The following CDH11 variants were observed in gnomAD, a reference collection of about 807,000 sequenced individuals.
The protein encoded by CDH11 is cadherin 11, also known as cadherin-11.
Under a neutral mutation model 67.8 loss-of-function variants are expected in CDH11, and 11 were observed. That is an observed-to-expected ratio of 0.16 (90% CI 0.10 to 0.27). The LOEUF (loss-of-function observed/expected upper bound fraction) is 0.27, where lower values mean the gene tolerates loss of function less well. CDH11 is among the 10% of genes least tolerant of loss of function. The pLI is 1.00. For missense variants in CDH11, 847 were observed against 1,031.2 expected (o/e 0.82, Z 2.45); for synonymous variants, 419 against 400.0 (o/e 1.05, Z -0.57).
At chr16:64,971,054 G>C (rs1034706579) in intron 11 of CDH11, among the ~76,000 whole-genome samples, 1 of 152,174 alleles carries the variant, frequency 6.6e-6, no homozygotes, top group Non-Finnish European at 1.5e-5. Context: ...AAATTTTGCC[G>C]TTTTTATAAT....
intron 2 of CDH11, among the ~76,000 whole-genome samples, chr16:65,010,605 C>T (rs2073156307): frequency 6.6e-6 from 1 of 152,086 alleles, no homozygotes; most frequent in South Asian, 2.1e-4. Flanking sequence ...TTTCTAATAC[C>T]AAATTCAAAT....
chr16:65,092,471 T>G lies in CDH11; in HGVS notation c.-298+29409A>C, dbSNP rs141162229. Among the ~76,000 whole-genome samples the G allele has an allele frequency of 2.4e-3, 371 of 152,318 alleles. 1 individual carries two copies. The highest frequency in any genetic ancestry group is 8.6e-3 in the African/African-American group (356 of 41,566). On this transcript the variant is annotated intron_variant, in intron 1 of 12. Coordinates refer to ENST00000268603, the MANE Select transcript of CDH11 (RefSeq NM_001797.4). ...GCCAAACTGATAGAAACCTCTATTC[T>G]TGGCTGTTAGAGGCACTATCTAACC...
At chr16:65,086,663 T>C (rs35054335) in intron 1 of CDH11, among the ~76,000 whole-genome samples, 46,705 of 152,122 alleles carry the variant, frequency 0.31, 8,264 homozygotes, top group Middle Eastern at 0.41. Context: ...TGGTTACAAA[T>C]GCAGCGTCTC....
At position 65,014,540 on chromosome 16, in the gene CDH11, C is replaced by A. The variant is rs1188087715; in HGVS notation, c.-172-9499G>T. On this transcript the variant is annotated intron_variant, in intron 2 of 12. Coordinates refer to ENST00000268603, the MANE Select transcript of CDH11 (RefSeq NM_001797.4). ...CTTACTGGCCACGTGGGGCTAGTGG[C>A]CACCATCTAGGCAGCACAGGCATAG... 3.9e-5 allele frequency among the ~76,000 whole-genome samples: 6 copies of A among 152,058 alleles called. No homozygotes were observed. In the South Asian group the frequency reaches 1.2e-3, roughly 32 times the overall value.
intron 2 of CDH11, among the ~76,000 whole-genome samples, chr16:65,040,925 C>T (rs1291321841): frequency 2.0e-5 from 3 of 152,158 alleles, no homozygotes; most frequent in Non-Finnish European, 2.9e-5. Context: ...AAGTTGTGCA[C>T]ATATCACCAA....
intron 11 of CDH11, among the ~76,000 whole-genome samples, chr16:64,966,073 T>G (rs929823756): frequency 1.3e-5 from 2 of 152,104 alleles, no homozygotes; most frequent in Non-Finnish European, 2.9e-5. Context: ...CATAAAATAC[T>G]GAGTTGAAAC....
rs146013297 is a variant in CDH11 at position 64,976,541 on chromosome 16, A to G, written c.1254-3501T>C. On this transcript the variant is annotated intron_variant, in intron 8 of 12. Transcript: ENST00000268603. ...AAACAACCAGGAAATTAGGAAGGGA[A>G]GATAAAAGACCCATTAGATAAAAAG... Among the ~76,000 whole-genome samples the G allele has an allele frequency of 2.2e-3, 342 of 152,300 alleles. 3 individuals are homozygous for G. The highest frequency in any genetic ancestry group is 7.6e-3 in the African/African-American group (314 of 41,576).
chr16:65,040,350 A>T (rs1332088872), intron 2 of CDH11, among the ~76,000 whole-genome samples: 1 of 152,224 alleles, frequency 6.6e-6, no homozygotes, highest in Non-Finnish European at 1.5e-5. Context: ...TGTGACACAT[A>T]TACACCATGG....
At chr16:65,113,203 T>C (rs1260871951) in intron 1 of CDH11, among the ~76,000 whole-genome samples, 4 of 151,834 alleles carry the variant, frequency 2.6e-5, no homozygotes, top group African/African-American at 9.7e-5. Flanking sequence ...GGAGAATCAC[T>C]TGAACCCGGG....
intron 2 of CDH11, among the ~76,000 whole-genome samples, chr16:65,032,406 C>A (rs1302059116): frequency 6.6e-6 from 1 of 151,790 alleles, no homozygotes; most frequent in East Asian, 1.9e-4. Flanking sequence ...GAGAGGATCA[C>A]TTGAGCCCAG....
intron 1 of CDH11, among the ~76,000 whole-genome samples, chr16:65,065,467 G>A (rs192670873): frequency 1.6e-4 from 24 of 152,324 alleles, no homozygotes; most frequent in Non-Finnish European, 2.8e-4. Context: ...GCTGCTTCAC[G>A]AAAGGGACGG....
At chr16:64,969,812 G>A (rs1280050788) in intron 11 of CDH11, among the ~76,000 whole-genome samples, 2 of 152,130 alleles carry the variant, frequency 1.3e-5, no homozygotes, top group Non-Finnish European at 2.9e-5. Flanking sequence ...ATGTGCCTGA[G>A]TTTCCTTGTT....
At chr16:64,994,406 T>C (rs2072714163) in intron 4 of CDH11, among the ~76,000 whole-genome samples, 1 of 152,230 alleles carries the variant, frequency 6.6e-6, no homozygotes. Context: ...TAGTTTATAT[T>C]ATCCTCATTT....
intron 2 of CDH11, among the ~76,000 whole-genome samples, chr16:65,019,637 T>C (rs934738730): frequency 7.9e-5 from 12 of 152,142 alleles, no homozygotes; most frequent in Admixed American, 1.3e-4. Flanking sequence ...TAACACTTAT[T>C]AATTTCTATT....
intron 11 of CDH11, among the ~76,000 whole-genome samples, chr16:64,957,944 C>A (rs2071563249): frequency 6.6e-6 from 1 of 152,108 alleles, no homozygotes; most frequent in Non-Finnish European, 1.5e-5. Context: ...TGTGACAATA[C>A]ACTCCTGATG....
At chr16:65,123,540 A>G (rs6498981), upstream of CDH11, 100,147 of 152,040 alleles carry the variant, frequency 0.66, 33,667 homozygotes, top group East Asian at 0.79. Flanking sequence ...CTAAGGCAAG[A>G]GCGGCCGAGC....
chr16:64,971,761 T>C, intron 10 of CDH11, 65 bp from the exon 11 acceptor site: 1 of 1,433,914 alleles, frequency 7.0e-7, no homozygotes, highest in Non-Finnish European at 9.8e-7. Flanking sequence ...ATTCAAAAAT[T>C]TCTGGCTGGC....
chr16:65,105,055 C>T (rs2075045673), intron 1 of CDH11, among the ~76,000 whole-genome samples: 1 of 152,138 alleles, frequency 6.6e-6, no homozygotes, highest in Admixed American at 6.6e-5. Flanking sequence ...TATCTGAGGT[C>T]CTCCCAGTTC....
chr16:65,042,086 T>C (rs1341977597), intron 2 of CDH11, among the ~76,000 whole-genome samples: 2 of 152,340 alleles, frequency 1.3e-5, no homozygotes, highest in African/African-American at 4.8e-5. Context: ...TAATTGGCTA[T>C]TGGTGTAGTC....
Sources: gnomAD v4.1 joint callset for allele counts (sites outside exome capture counted in the v4.1 genomes callset) on GRCh38, gnomAD v4.1.1 for gene constraint, MANE v1.5 for transcripts, NCBI Gene and HGNC (gene_info 2026-07-23, HGNC 2026-07-21) for gene names.